CD48: variants seen among roughly 807,000 people sequenced by gnomAD.
CD48 encodes the protein CD48 molecule.
Under a neutral mutation model 22.0 loss-of-function variants are expected in CD48, and 20 were observed. The ratio of observed to expected loss-of-function variants is 0.91; its 90% CI spans 0.64 to 1.32. The LOEUF is 1.32. Ranked by LOEUF, CD48 falls within the 40% of genes most tolerant of loss-of-function variation. CD48 has a pLI of 0.00. For synonymous variants in CD48, 110 were observed against 110.1 expected (o/e 1.00, Z 0.01); for missense variants, 307 against 286.5 (o/e 1.07, Z -0.52).
chr1:160,703,997 TTAA>T (rs1388893529), intron 1 of CD48, among the ~76,000 whole-genome samples: 2 of 152,160 alleles, frequency 1.3e-5, no homozygotes, highest in Non-Finnish European at 2.9e-5. Context: ...TTTAGCTTTA[TTAA>T]TAATGTCTTG....
At chr1:160,696,125 A>G (rs1335551742) in intron 1 of CD48, among the ~76,000 whole-genome samples, 2 of 152,296 alleles carry the variant, frequency 1.3e-5, no homozygotes, top group Non-Finnish European at 2.9e-5. Context: ...GTATTTACTG[A>G]TGGTTCCAGC....
At chr1:160,702,287 G>A (rs957407705) in intron 1 of CD48, among the ~76,000 whole-genome samples, 11 of 152,088 alleles carry the variant, frequency 7.2e-5, no homozygotes, top group African/African-American at 2.2e-4. Flanking sequence ...CAACCACCCC[G>A]CCTCCTACTG....
intron 1 of CD48, among the ~76,000 whole-genome samples, chr1:160,700,392 A>C (rs1662589844): frequency 6.6e-6 from 1 of 152,198 alleles, no homozygotes; most frequent in Non-Finnish European, 1.5e-5. Flanking sequence ...CAGAAATTTG[A>C]AGTATTCTGC....
At position 160,679,871 on chromosome 1, in the gene CD48, A is replaced by T. The variant is rs192591465; in HGVS notation, c.653-740T>A. Among the ~76,000 whole-genome samples the T allele has an allele frequency of 3.6e-3, 547 of 152,310 alleles. 4 individuals are homozygous for T. The highest frequency in any genetic ancestry group is 0.013 in the African/African-American group (540 of 41,560). On this transcript the variant is annotated intron_variant, in intron 3 of 3. Transcript: ENST00000368046. ...TTCTGGATCTCAGGATGTGATATTG[A>T]TATGAGGGTGGTGTTGGAACCACCA...
intron 1 of CD48, among the ~76,000 whole-genome samples, chr1:160,693,235 C>T (rs1226491244): frequency 6.6e-6 from 1 of 152,274 alleles, no homozygotes; most frequent in Non-Finnish European, 1.5e-5. Context: ...CAAAAGAGCC[C>T]TACCCTGATT....
chr1:160,679,458 A>C (rs903009138), intron 3 of CD48, among the ~76,000 whole-genome samples: 9 of 152,032 alleles, frequency 5.9e-5, no homozygotes, highest in African/African-American at 2.2e-4. Context: ...GTACAGACAG[A>C]TGACCACATG....
intron 3 of CD48, 35 bp downstream of exon 3, chr1:160,681,167 C>T: frequency 6.2e-7 from 1 of 1,614,096 alleles, no homozygotes; most frequent in South Asian, 1.1e-5. Context: ...TCCAGTTACC[C>T]TGTGCCCCCC....
At chr1:160,692,221 A>G (rs373561662) in intron 1 of CD48, 1 of 152,330 alleles carries the variant, frequency 6.6e-6, no homozygotes, top group East Asian at 1.9e-4. Context: ...TGGAAGCTGT[A>G]TAATAGATTG....
chr1:160,704,947 T>C (rs988736777), intron 1 of CD48, among the ~76,000 whole-genome samples: 6 of 152,096 alleles, frequency 3.9e-5, no homozygotes, highest in African/African-American at 9.7e-5. Flanking sequence ...ACTTAGAATA[T>C]GTATACAAAG....
At chr1:160,707,856 A>T (rs1662837987) in intron 1 of CD48, among the ~76,000 whole-genome samples, 1 of 152,166 alleles carries the variant, frequency 6.6e-6, no homozygotes, top group South Asian at 2.1e-4. Context: ...ACATGCGTAC[A>T]TGAACTTCCT....
intron 3 of CD48, chr1:160,680,896 T>TGATGACCCTGGCCTCA: frequency 7.1e-7 from 1 of 1,409,588 alleles, no homozygotes; most frequent in Non-Finnish European, 9.2e-7. Context: ...GTCTACTCTA[T>TGATGACCCTGGCCTCA]GATGACCCTG....
chr1:160,691,232 A>G (rs902580538), intron 1 of CD48, among the ~76,000 whole-genome samples: 3 of 152,122 alleles, frequency 2.0e-5, no homozygotes, highest in African/African-American at 2.4e-5. Flanking sequence ...GAGGATTAGT[A>G]TAAGAGGAAA....
At chr1:160,704,892 G>A (rs1001889501) in intron 1 of CD48, among the ~76,000 whole-genome samples, 2 of 152,154 alleles carry the variant, frequency 1.3e-5, no homozygotes, top group Admixed American at 6.5e-5. Context: ...TAAGGACAAA[G>A]TACAAGATGA....
chr1:160,688,659 A>C (rs1662085167), intron 1 of CD48, among the ~76,000 whole-genome samples: 1 of 152,182 alleles, frequency 6.6e-6, no homozygotes, highest in South Asian at 2.1e-4. Flanking sequence ...CCATACTCGC[A>C]GTCCAGACAT....
intron 1 of CD48, chr1:160,691,569 C>A (rs139549420): frequency 5.9e-6 from 1 of 169,096 alleles, no homozygotes; most frequent in Non-Finnish European, 1.3e-5. Context: ...GAAACACCCA[C>A]GAATGATCAA....
At chr1:160,700,641 C>A (rs1185249177) in intron 1 of CD48, among the ~76,000 whole-genome samples, 1 of 152,110 alleles carries the variant, frequency 6.6e-6, no homozygotes, top group Non-Finnish European at 1.5e-5. Flanking sequence ...CCTCAGAGGT[C>A]AAAATCCTGG....
chr1:160,709,912 C>A (rs1483175171), intron 1 of CD48, among the ~76,000 whole-genome samples: 1 of 152,148 alleles, frequency 6.6e-6, no homozygotes, highest in Non-Finnish European at 1.5e-5. Flanking sequence ...AATTCACAAA[C>A]CATAATCTGG....
chr1:160,710,873 A>T (rs553065812), intron 1 of CD48, among the ~76,000 whole-genome samples: 126 of 152,334 alleles, frequency 8.3e-4, no homozygotes, highest in African/African-American at 2.8e-3. Flanking sequence ...TGTTTTACTC[A>T]GAGTGGTGAG....
chr1:160,687,360 G>C (rs1662040557), intron 1 of CD48, among the ~76,000 whole-genome samples: 1 of 152,090 alleles, frequency 6.6e-6, no homozygotes. Flanking sequence ...GTCCTGAGGT[G>C]ACATACATCC....
Sources: allele counts gnomAD v4.1 joint callset (sites outside exome capture counted in the v4.1 genomes callset), GRCh38; gene constraint gnomAD v4.1.1; transcripts MANE v1.5; gene names NCBI Gene and HGNC (gene_info 2026-07-23, HGNC 2026-07-21).